MCM6: variants seen among roughly 807,000 people sequenced by gnomAD.
MCM6 encodes minichromosome maintenance complex component 6, also known as DNA replication licensing factor MCM6.
MCM6 carries 46 observed loss-of-function variants against 94.3 expected under a neutral mutation model. The observed-to-expected ratio is 0.49, with a 90% CI of 0.39 to 0.62. MCM6 has a LOEUF of 0.62. Ranked by LOEUF, MCM6 falls within the 20% of genes least tolerant of loss-of-function variation. The pLI, the probability that MCM6 is intolerant of heterozygous loss-of-function variation, is 0.00. For missense variants in MCM6, 865 were observed against 1,017.9 expected, an observed-to-expected ratio of 0.85 and a Z score of 2.04; for synonymous variants, 335 against 351.9, an observed-to-expected ratio of 0.95 and a Z score of 0.54.
chr2:135,841,507 T>A (rs1216877959), intron 16 of MCM6, among the ~76,000 whole-genome samples: 1 of 152,220 alleles, frequency 6.6e-6, no homozygotes, highest in Non-Finnish European at 1.5e-5. Flanking sequence ...TACAGGTTAG[T>A]CAAAACTGTC....
chr2:135,854,333 C>G (rs1367791834), intron 11 of MCM6, among the ~76,000 whole-genome samples: 2 of 151,816 alleles, frequency 1.3e-5, no homozygotes, highest in Admixed American at 6.6e-5. Flanking sequence ...AGTTTGAGAC[C>G]AGCCTGGCCA....
chr2:135,868,897 T>C (rs540553509), intron 3 of MCM6, 37 bp from the exon 4 acceptor site: 3 of 1,588,058 alleles, frequency 1.9e-6, no homozygotes, highest in Non-Finnish European at 2.6e-6. Flanking sequence ...TAAACATTCA[T>C]CTCTTAACTA....
At chr2:135,865,304 C>A (rs568004411) in intron 6 of MCM6, 141 bp from the exon 7 acceptor site, 160 of 512,124 alleles carry the variant, frequency 3.1e-4, no homozygotes, top group African/African-American at 2.9e-3. Flanking sequence ...TAAAAAAAAA[C>A]AACTCCCCAA....
rs771239226 is a variant in MCM6, at chr2:135,869,517, G to T, written c.366-657C>A. Among the ~76,000 whole-genome samples the T allele has an allele frequency of 9.3e-5, 14 of 149,884 alleles. No individual in the cohort carries two copies. In the East Asian group the frequency reaches 2.7e-3, roughly 29 times the overall value. On this transcript the variant is annotated intron_variant, in intron 3 of 16. Transcript: ENST00000264156. ...ATGTGTTACATAATAATCCTATCAT[G>T]AGAAAAAATTTTGTACTCAAAGTTC...
intron 11 of MCM6, among the ~76,000 whole-genome samples, chr2:135,854,357 C>T (rs1679831990): frequency 6.6e-6 from 1 of 151,654 alleles, no homozygotes; most frequent in Admixed American, 6.6e-5. Context: ...AAGTGAAACC[C>T]CGTCTCTACT....
chr2:135,870,364 G>A lies in MCM6; in HGVS notation c.255-3C>T, dbSNP rs3087352. ...CCCGACACAGGTAAGGGTAAACTCT[G>A]AAAAACAAAAAAGTCAGCTGATACC... is the stretch of plus-strand genomic sequence containing the variant. On this transcript the variant is annotated splice_region_variant and splice_polypyrimidine_tract_variant and intron_variant, in intron 2 of 16. Coordinates refer to ENST00000264156, the MANE Select transcript of MCM6 (RefSeq NM_005915.6). 4,958 of 1,609,762 alleles carry A rather than the reference G, an allele frequency of 3.1e-3. 133 individuals are homozygous for A. The African/African-American group carries it at 0.059, about 19-fold the overall frequency.
At chr2:135,852,624 C>G (rs1187617386) in intron 12 of MCM6, among the ~76,000 whole-genome samples, 163 bp downstream of exon 12, 1 of 151,398 alleles carries the variant, frequency 6.6e-6, no homozygotes, top group African/African-American at 2.4e-5. Flanking sequence ...TTTCTCAGCC[C>G]TCTCTGAAAA....
At chr2:135,842,188 C>T (rs1232811445) in intron 16 of MCM6, among the ~76,000 whole-genome samples, 2 of 152,142 alleles carry the variant, frequency 1.3e-5, no homozygotes, top group Non-Finnish European at 2.9e-5. Flanking sequence ...AGTCCTGAAG[C>T]AGATTCCTTG....
chr2:135,866,092 A>C (rs1177091709), intron 6 of MCM6, 40 bp downstream of exon 6: 1 of 1,609,902 alleles, frequency 6.2e-7, no homozygotes, highest in Non-Finnish European at 8.5e-7. Context: ...ACAGAGAGAG[A>C]CTGTTTCAAA....
intron 1 of MCM6, among the ~76,000 whole-genome samples, chr2:135,875,886 T>C (rs1680286364): frequency 6.6e-6 from 1 of 152,172 alleles, no homozygotes; most frequent in South Asian, 2.1e-4. Context: ...CACTTCGGCC[T>C]CCCACTCGAC....
chr2:135,872,608 C>A, intron 2 of MCM6, 89 bp downstream of exon 2: 1 of 1,346,486 alleles, frequency 7.4e-7, no homozygotes, highest in Admixed American at 2.1e-5. Flanking sequence ...TGACCTTCTG[C>A]TACACAAGTG....
intron 13 of MCM6, among the ~76,000 whole-genome samples, chr2:135,849,151 T>C (rs1464869265): frequency 1.3e-5 from 2 of 152,248 alleles, no homozygotes; most frequent in African/African-American, 4.8e-5. Flanking sequence ...GGCATTTCTC[T>C]ATCCATTTGA....
intron 13 of MCM6, among the ~76,000 whole-genome samples, chr2:135,850,148 C>T (rs895845720): frequency 1.3e-5 from 2 of 152,112 alleles, no homozygotes; most frequent in African/African-American, 2.4e-5. Flanking sequence ...TGACCTTGTC[C>T]CAGGGTATCT....
intron 3 of MCM6, among the ~76,000 whole-genome samples, chr2:135,869,256 C>T (rs1304109261): frequency 6.6e-6 from 1 of 152,054 alleles, no homozygotes; most frequent in Non-Finnish European, 1.5e-5. Context: ...CAAAAACTAG[C>T]CAGTCGTGGT....
chr2:135,842,417 C>T (rs1347509647), intron 16 of MCM6, among the ~76,000 whole-genome samples: 1 of 152,148 alleles, frequency 6.6e-6, no homozygotes, highest in African/African-American at 2.4e-5. Flanking sequence ...TGTGAATTGG[C>T]ACGACAGTTA....
At chr2:135,862,124 A>G (rs960364141) in intron 8 of MCM6, among the ~76,000 whole-genome samples, 3 of 152,182 alleles carry the variant, frequency 2.0e-5, no homozygotes, top group Admixed American at 2.0e-4. Flanking sequence ...ATACCAACAA[A>G]AAAAGACAAT....
chr2:135,865,989 C>A, intron 6 of MCM6, 143 bp downstream of exon 6: 1 of 946,316 alleles, frequency 1.1e-6, no homozygotes, highest in Non-Finnish European at 1.5e-6. Context: ...ATAATCCCAG[C>A]TACTCAGGAG....
chr2:135,868,694 T>C lies in MCM6; in HGVS notation c.532A>G (p.Asn178Asp), dbSNP rs1282512288. ...GCACAAACTGGATTTCGGCAGATGT[T>C]TGGCTGTGTGTATTTGAACTGCTGT... is the stretch of plus-strand genomic sequence containing the variant. ...VEQQFKYTQP[N>D]ICRNPVCANR... Residue 178 changes from asparagine to aspartate, a missense_variant, in exon 4 of 17, where the codon AAC (asparagine) becomes GAC (aspartate). Asn to Asp is a conservative substitution (Grantham distance 23). Transcript: ENST00000264156. 4 of 1,614,192 alleles carry C rather than the reference T, an allele frequency of 2.5e-6. No individual in the cohort carries two copies. Among genetic ancestry groups the C allele is most frequent in the Non-Finnish European group, 3.4e-6 (4 of 1,180,040 alleles).
rs200697022 is a variant in MCM6, at chr2:135,852,890, C to T, written c.1652G>A (p.Arg551His). 77 of 1,609,154 alleles carry T rather than the reference C, an allele frequency of 4.8e-5. 1 individual carries two copies. The Admixed American group carries it at 1.1e-3, about 22-fold the overall frequency. Residue 551 changes from arginine to histidine, a missense_variant, in exon 12 of 17, where the codon CGC (arginine) becomes CAC (histidine). Arg to His is a conservative substitution (Grantham distance 29). Coordinates refer to ENST00000264156, the MANE Select transcript of MCM6 (RefSeq NM_005915.6). ...AATTCTTGAATGCAAATCTACTATG[C>T]GCCTGGCAATGGCATAATCTGTAAC... ...NEVTDYAIAR[R>H]IVDLHSRIEE...
Sources: allele counts gnomAD v4.1 joint callset (sites outside exome capture counted in the v4.1 genomes callset), GRCh38; gene constraint gnomAD v4.1.1; transcripts MANE v1.5; gene names NCBI Gene and HGNC (gene_info 2026-07-23, HGNC 2026-07-21).